Variants in WRN observed in about 807,000 individuals in gnomAD.
WRN encodes the protein WRN RecQ like helicase.
In WRN, 149 loss-of-function variants were observed where a neutral mutation model predicts 180.7. The ratio of observed to expected loss-of-function variants is 0.82; its 90% CI spans 0.72 to 0.94. The LOEUF (loss-of-function observed/expected upper bound fraction) is 0.94, where lower values mean the gene tolerates loss of function less well. Ranked by LOEUF, WRN falls within the 40% of genes least tolerant of loss-of-function variation. The pLI is 0.00. For synonymous variants in WRN, 548 were observed against 568.9 expected (o/e 0.96, Z 0.52); for missense variants, 1,661 against 1,700.1 (o/e 0.98, Z 0.40).
chr8:31,111,568 A>G (rs1220165431), intron 18 of WRN, 47 bp from the exon 19 acceptor site: 1 of 1,597,210 alleles, frequency 6.3e-7, no homozygotes, highest in Non-Finnish European at 8.6e-7. Context: ...CATGTTGGGA[A>G]TGAATGAGCT....
At chr8:31,137,851 C>T (rs543975032) in intron 24 of WRN, among the ~76,000 whole-genome samples, 1 of 152,212 alleles carries the variant, frequency 6.6e-6, no homozygotes, top group South Asian at 2.1e-4. Context: ...GTAATCCCAG[C>T]ACTTTGGGAG....
At position 31,145,536 on chromosome 8, in the gene WRN, G is replaced by A. The variant is rs554856855; in HGVS notation, c.3384-1517G>A. Among the ~76,000 whole-genome samples the A allele has an allele frequency of 4.6e-5, 7 of 152,178 alleles. No individual in the cohort carries two copies. The East Asian group carries it at 7.7e-4, about 17-fold the overall frequency. On this transcript the variant is annotated intron_variant, in intron 28 of 34. Transcript: ENST00000298139. ...TGACAACACTTAGTCACCAAGAGCC[G>A]TAATGGAGACATACAAGGAGACTAA...
intron 18 of WRN, among the ~76,000 whole-genome samples, chr8:31,109,881 C>G (rs1021466928): frequency 6.6e-6 from 1 of 152,066 alleles, no homozygotes; most frequent in Admixed American, 6.6e-5. Flanking sequence ...ATTCTTTTGC[C>G]TGGTTTTTCT....
chr8:31,104,883 T>C (rs1801033231), intron 18 of WRN, among the ~76,000 whole-genome samples: 1 of 152,200 alleles, frequency 6.6e-6, no homozygotes, highest in Admixed American at 6.5e-5. Context: ...TATGTTTAAG[T>C]TTTCTTGGTA....
Position 31,092,439 on chromosome 8 carries a change from TTG to T in WRN, c.1898+561_1898+562del, listed in dbSNP as rs142679273. Among the ~76,000 whole-genome samples the T allele has an allele frequency of 6.2e-3, 906 of 146,746 alleles. 8 individuals are homozygous for T. Among genetic ancestry groups the T allele is most frequent in the African/African-American group, 0.02 (794 of 40,214 alleles). On this transcript the variant is annotated intron_variant, in intron 16 of 34. Transcript: ENST00000298139. ...TCAGATACACATACACACACCCATT[TTG>T]TGTGTGTGTGTGTGTGTGTATATGT...
At chr8:31,126,312 G>A (rs1274074519) in intron 23 of WRN, among the ~76,000 whole-genome samples, 1 of 152,092 alleles carries the variant, frequency 6.6e-6, no homozygotes, top group East Asian at 1.9e-4. Flanking sequence ...GACTAGAATG[G>A]AATTAAACTA....
intron 11 of WRN, among the ~76,000 whole-genome samples, chr8:31,085,625 A>T (rs1227429175): frequency 2.0e-5 from 3 of 152,050 alleles, no homozygotes; most frequent in Non-Finnish European, 2.9e-5. Flanking sequence ...GTGTGCCACC[A>T]TACCCGGCTT....
chr8:31,067,377 C>T (rs1812752592), intron 6 of WRN, among the ~76,000 whole-genome samples, 195 bp downstream of exon 6: 1 of 152,136 alleles, frequency 6.6e-6, no homozygotes, highest in South Asian at 2.1e-4. Flanking sequence ...TACCAATCAA[C>T]AGATTGTTCA....
intron 1 of WRN, among the ~76,000 whole-genome samples, chr8:31,049,210 CAAAAAAAAAAAAAAAA>C (rs72226104): frequency 1.3e-4 from 4 of 31,780 alleles, no homozygotes; most frequent in African/African-American, 2.9e-4. Flanking sequence ...GACTCTGTCT[CAAAAAAAAAAAAAAAA>C]AAAAAAAAAA....
intron 34 of WRN, among the ~76,000 whole-genome samples, chr8:31,168,596 A>C (rs991781981): frequency 4.0e-5 from 6 of 151,572 alleles, no homozygotes; most frequent in Non-Finnish European, 8.8e-5. Context: ...CCTTTTCCCC[A>C]TTTAGGGGAA....
chr8:31,109,681 A>G (rs918771539), intron 18 of WRN, among the ~76,000 whole-genome samples: 3 of 152,188 alleles, frequency 2.0e-5, no homozygotes, highest in Non-Finnish European at 2.9e-5. Context: ...AGCACTTTAC[A>G]TGTTTTATCT....
At chr8:31,045,710 T>C (rs1260925118) in intron 1 of WRN, among the ~76,000 whole-genome samples, 2 of 152,160 alleles carry the variant, frequency 1.3e-5, no homozygotes, top group Non-Finnish European at 2.9e-5. Context: ...CACACACTAT[T>C]TTAATTACTG....
chr8:31,062,705 G>T (rs369214805), intron 3 of WRN, among the ~76,000 whole-genome samples: 1 of 151,994 alleles, frequency 6.6e-6, no homozygotes, highest in Non-Finnish European at 1.5e-5. Context: ...GAACCACTGC[G>T]CCTGGCCTGT....
intron 11 of WRN, among the ~76,000 whole-genome samples, chr8:31,085,610 C>T (rs2130142512): frequency 6.6e-6 from 1 of 152,182 alleles, no homozygotes; most frequent in East Asian, 1.9e-4. Context: ...GCTGGGATTA[C>T]AGGCGTGTGC....
At position 31,096,810 on chromosome 8, in the gene WRN, A is replaced by AG; in HGVS notation, c.1943dup (p.Asn649Ter). 1 of 1,612,572 alleles carries AG rather than the reference A, an allele frequency of 6.2e-7. No individual in the cohort carries two copies. Among genetic ancestry groups the AG allele is most frequent in the South Asian group, 1.1e-5 (1 of 91,054 alleles). ...TATACGTAACTCCAGAATACTGTTC[A>AG]GGTAACATGGGCCTGCTCCAGCAAC... On this transcript the variant is annotated frameshift_variant, in exon 17 of 35. Coordinates refer to ENST00000298139, the MANE Select transcript of WRN (RefSeq NM_000553.6). LOFTEE classifies it high-confidence loss of function.
chr8:31,124,872 GTTC>G, intron 22 of WRN, 33 bp from the exon 23 acceptor site: 1 of 1,575,804 alleles, frequency 6.3e-7, no homozygotes. Context: ...ATACGTTTCT[GTTC>G]TTTTATTTAA....
chr8:31,092,859 T>C (rs1315034600), intron 16 of WRN, among the ~76,000 whole-genome samples: 1 of 152,220 alleles, frequency 6.6e-6, no homozygotes, highest in Admixed American at 6.5e-5. Context: ...TTAACTCTTT[T>C]GTGTAAGACT....
In WRN at chr8:31,083,736, A is replaced by G. The variant is rs1290717956; in HGVS notation, c.1307A>G (p.Tyr436Cys). Residue 436 changes from tyrosine to cysteine, a missense_variant, in exon 10 of 35, where the codon TAT becomes TGT. This residue lies in a region of WRN where 500 missense variants were observed against 504.1 expected (regional missense o/e 0.99). Transcript: ENST00000298139. ...SPNDNENDTSYVIESDEDLEM... is the reference protein window; with the variant it reads ...SPNDNENDTSCVIESDEDLEM... ...AATGATAATGAAAACGATACGTCCTATGTAATTGAGAGTGATGAAGATTTA... is the reference window on the plus strand; with the variant it reads ...AATGATAATGAAAACGATACGTCCTGTGTAATTGAGAGTGATGAAGATTTA... 1.4e-5 allele frequency: 23 copies of G among 1,611,152 alleles called. No individual in the cohort carries two copies. Among genetic ancestry groups the G allele is most frequent in the Middle Eastern group, 1.6e-4 (1 of 6,070 alleles).
At chr8:31,130,009 AAAAAACAAAAC>A (rs1802086833) in intron 23 of WRN, among the ~76,000 whole-genome samples, 1 of 114,300 alleles carries the variant, frequency 8.7e-6, no homozygotes, top group South Asian at 2.8e-4. Flanking sequence ...TGTCTCAAAA[AAAAAACAAAAC>A]AAAACAAAAA....
Sources: gnomAD v4.1 joint callset for allele counts (sites outside exome capture counted in the v4.1 genomes callset) on GRCh38, gnomAD v4.1.1 for gene constraint, gnomAD v4.1.1 regional missense constraint, MANE v1.5 for transcripts, NCBI Gene and HGNC (gene_info 2026-07-23, HGNC 2026-07-21) for gene names.